The following RBM12 variants were observed in gnomAD, a reference collection of about 807,000 sequenced individuals.
RBM12 encodes the protein RNA binding motif protein 12, also known as RNA-binding protein 12.
RBM12 carries 24 observed loss-of-function variants against 37.2 expected under a neutral mutation model. That is an observed-to-expected ratio of 0.65 (90% confidence interval 0.47 to 0.91). The LOEUF is 0.91. Ranked by LOEUF, RBM12 falls within the 40% of genes least tolerant of loss-of-function variation. The pLI, the probability that RBM12 is intolerant of heterozygous loss-of-function variation, is 0.00. For missense variants in RBM12, 1,061 were observed against 1,183.2 expected (o/e 0.90, Z 1.52); for synonymous variants, 420 against 425.2 (o/e 0.99, Z 0.15).
chr20:35,652,362 G>C lies in RBM12; in HGVS notation c.*162C>G. ...TACAGCAATGTTTATCCTGGTGAGT[G>C]AGTCTTCTGTAAACAGTCAACCAAT... On this transcript the variant is annotated 3_prime_UTR_variant, in exon 3 of 3. Transcript: ENST00000374114. 2.7e-6 allele frequency: 2 copies of C among 746,428 alleles called. No individual in the cohort carries two copies. The highest frequency in any genetic ancestry group is 4.3e-6 in the Non-Finnish European group (2 of 468,048). The allele number at this position is 746,428 out of a possible 1,614,324, so 46.2% of individuals were successfully genotyped here.
At chr20:35,659,659 TTAAA>T (rs909061687) in intron 1 of RBM12, among the ~76,000 whole-genome samples, 1 of 152,002 alleles carries the variant, frequency 6.6e-6, no homozygotes, top group African/African-American at 2.4e-5. Context: ...CTTGTAAAAT[TTAAA>T]TAAATAAAAT....
chr20:35,656,488 G>A (rs1204579460), intron 2 of RBM12, among the ~76,000 whole-genome samples: 1 of 152,170 alleles, frequency 6.6e-6, no homozygotes, highest in African/African-American at 2.4e-5. Flanking sequence ...AATTAAGGTG[G>A]TCAATAACAT....
rs1260080491 is a variant in RBM12 at position 35,654,966 on chromosome 20, C to T, written c.357G>A (p.Leu119=). The stretch of plus-strand genomic sequence containing the variant: ...TATTAAAGTTGGATACTGTTGTGGG[C>T]AAGTTTACCCTGCTACTCATTCCTG... ...PSSGMSSRVN[L]PTTVSNFNNP... The change falls in exon 3 of 3, where the codon TTG becomes TTA. Residue 119 remains leucine (L), a synonymous_variant. Coordinates refer to ENST00000374114, the MANE Select transcript of RBM12 (RefSeq NM_006047.6). 5.0e-6 allele frequency: 8 copies of T among 1,614,122 alleles called. No homozygotes were observed. The South Asian group carries it at 8.8e-5, about 18-fold the overall frequency.
chr20:35,663,620 T>A (rs1444427147), intron 1 of RBM12, among the ~76,000 whole-genome samples: 1 of 152,152 alleles, frequency 6.6e-6, no homozygotes, highest in Non-Finnish European at 1.5e-5. Flanking sequence ...CCCAGAAATC[T>A]CTTAAAGTCT....
chr20:35,661,570 T>G (rs1035632553), intron 1 of RBM12, among the ~76,000 whole-genome samples: 3 of 152,220 alleles, frequency 2.0e-5, no homozygotes, highest in Non-Finnish European at 4.4e-5. Context: ...CCATTCATAT[T>G]ATCAGGAATT....
At chr20:35,662,503 C>A (rs1271760355) in intron 1 of RBM12, among the ~76,000 whole-genome samples, 1 of 152,182 alleles carries the variant, frequency 6.6e-6, no homozygotes, top group African/African-American at 2.4e-5. Flanking sequence ...CTATTAAGCA[C>A]TTGTGGGCCA....
At chr20:35,659,103 C>A in intron 1 of RBM12, 89 bp from the exon 2 acceptor site, 1 of 516,934 alleles carries the variant, frequency 1.9e-6, no homozygotes, top group South Asian at 2.6e-5. Flanking sequence ...GAAGGCGAGT[C>A]TGAAACCACC....
Position 35,651,448 on chromosome 20 carries a change from CG to C in RBM12, c.*1075del, listed in dbSNP as rs1232112100. On this transcript the variant is annotated 3_prime_UTR_variant, in exon 3 of 3. Transcript: ENST00000374114. ...AAGCCTCCAAATAACAGGACTAACA[CG>C]TATCAATCTACGAACCAGCATACGG... The C allele has an allele frequency of 6.6e-6, 1 of 152,172 alleles. No individual in the cohort carries two copies. The highest frequency in any genetic ancestry group is 1.5e-5 in the Non-Finnish European group (1 of 68,024). 9.4% of individuals were successfully genotyped at this position (152,172 alleles called of 1,614,324 possible). A position where few individuals can be genotyped will look rare whatever the true frequency, so the allele number is the denominator to read the frequency against.
rs890114573 is a variant in RBM12, at chr20:35,649,756, C to T, written c.*2768G>A. 2.0e-5 allele frequency: 3 copies of T among 149,938 alleles called. No individual in the cohort carries two copies. The highest frequency in any genetic ancestry group is 4.9e-5 in the African/African-American group (2 of 40,678). 9.3% of individuals were successfully genotyped at this position (149,938 alleles called of 1,614,324 possible). A position where few individuals can be genotyped will look rare whatever the true frequency, so the allele number is the denominator to read the frequency against. ...TTTAAATCAAAAGAAAAATGAACAC[C>T]AATAAAAAAAAAATCAGAAGGGAGA... On this transcript the variant is annotated 3_prime_UTR_variant, in exon 3 of 3. Coordinates refer to ENST00000374114, the MANE Select transcript of RBM12 (RefSeq NM_006047.6).
At chr20:35,663,888 A>AATT (rs2034380959) in intron 1 of RBM12, among the ~76,000 whole-genome samples, 1 of 152,176 alleles carries the variant, frequency 6.6e-6, no homozygotes, top group Non-Finnish European at 1.5e-5. Flanking sequence ...AGAGAAACTC[A>AATT]ATTAACTCTC....
chr20:35,660,812 T>C (rs2034191786), intron 1 of RBM12, among the ~76,000 whole-genome samples: 2 of 152,256 alleles, frequency 1.3e-5, no homozygotes, highest in East Asian at 3.9e-4. Context: ...GGTAAGAAGG[T>C]TCCTCTCAGC....
rs543881351 is a variant in RBM12, at chr20:35,653,403, C to A, written c.1920G>T (p.Lys640Asn). ...NPPAQGKKGL[K>N]MPVPGNPAVP... The stretch of plus-strand genomic sequence containing the variant: ...CTGCAGGATTACCTGGCACAGGCAT[C>A]TTTAATCCCTTTTTTCCTTGGGCAG... The change falls in exon 3 of 3, where the codon AAG becomes AAT. Residue 640 changes from lysine to asparagine, a missense_variant. Physicochemically the swap from Lys to Asn is moderately conservative, Grantham distance 94 (BLOSUM62 0). Around this residue, in one of 3 missense-constraint regions of RBM12, gnomAD observed 517 missense variants for 534.0 expected, o/e 0.97. Coordinates refer to ENST00000374114, the MANE Select transcript of RBM12 (RefSeq NM_006047.6). 1 of 1,614,158 alleles carries A rather than the reference C, an allele frequency of 6.2e-7. No individual in the cohort carries two copies. The highest frequency in any genetic ancestry group is 2.2e-5 in the East Asian group (1 of 44,888).
rs1335461183 is a variant in RBM12 at position 35,653,462 on chromosome 20, G to A, written c.1861C>T (p.Leu621=). ...GREAFVHVVT[L]EDMREIEKNP... ...TTCTCAATCTCTCTCATATCTTCTA[G>A]GGTAACTACATGAACAAAAGCTTCT... Residue 621 remains leucine, a synonymous_variant, in exon 3 of 3, where the codon CTA becomes TTA. Transcript: ENST00000374114. The A allele has an allele frequency of 1.9e-6, 3 of 1,614,112 alleles. No individual in the cohort carries two copies. The highest frequency in any genetic ancestry group is 2.2e-5 in the East Asian group (1 of 44,880).
Position 35,655,173 on chromosome 20 carries a change from A to T in RBM12, c.150T>A (p.Asp50Glu). 1 of 1,614,200 alleles carries T rather than the reference A, an allele frequency of 6.2e-7. No homozygotes were observed. The highest frequency in any genetic ancestry group is 8.5e-7 in the Non-Finnish European group (1 of 1,180,026). ...GCATCATACCAAGCCTTGCATCTTC[A>T]TCAGTGGCAAAAACGATGAAAGCCT... Reference protein sequence around the residue: ...LGEAFIVFATDEDARLGMMRT... With the variant: ...LGEAFIVFATEEDARLGMMRT... The change falls in exon 3 of 3, where the codon GAT (aspartate) becomes GAA (glutamate). Residue 50 changes from aspartate (D) to glutamate (E), a missense_variant. By Grantham distance (45) the Asp-to-Glu change is conservative (BLOSUM62 2). This residue lies in a region of RBM12 where 540 missense variants were observed against 632.7 expected (regional missense o/e 0.85). Transcript: ENST00000374114.
chr20:35,654,723 T>C lies in RBM12; in HGVS notation c.600A>G (p.Pro200=). 3.7e-6 allele frequency: 6 copies of C among 1,613,668 alleles called. No homozygotes were observed. The highest frequency in any genetic ancestry group is 5.1e-6 in the Non-Finnish European group (6 of 1,179,616). Reference sequence around the variant, plus strand: ...GAATTGGGGGAATGGATGGCATTGGTGGCAGAGATGGCATCGCTGGAATTG... The same window carrying C: ...GAATTGGGGGAATGGATGGCATTGGCGGCAGAGATGGCATCGCTGGAATTG... ...IPPIPAMPSL[P]PMPSIPPIPV... Residue 200 remains proline (P), a synonymous_variant, in exon 3 of 3, where the codon CCA becomes CCG. Coordinates refer to ENST00000374114, the MANE Select transcript of RBM12 (RefSeq NM_006047.6).
At position 35,652,895 on chromosome 20, in the gene RBM12, G is replaced by A; in HGVS notation, c.2428C>T (p.Pro810Ser). 6.2e-7 allele frequency: 1 copy of A among 1,613,634 alleles called. No homozygotes were observed. The highest frequency in any genetic ancestry group is 8.5e-7 in the Non-Finnish European group (1 of 1,179,976). Residue 810 changes from proline to serine, a missense_variant, in exon 3 of 3, where the codon CCT becomes TCT. Around this residue, in one of 3 missense-constraint regions of RBM12, gnomAD observed 517 missense variants for 534.0 expected, o/e 0.97. Coordinates refer to ENST00000374114, the MANE Select transcript of RBM12 (RefSeq NM_006047.6). ...TGCCCAGGGGCACTTCCAAGACCAG[G>A]AGGGCCACTTCCAAACCCCGGGGGA... The part of the protein sequence containing the change: ...GGPPGFGSGP[P>S]GLGSAPGHLG...
At position 35,653,303 on chromosome 20, in the gene RBM12, T is replaced by TG. The variant is rs1023446319; in HGVS notation, c.2019dup (p.Ser674GlnfsTer26). The TG allele has an allele frequency of 6.2e-7, 1 of 1,613,502 alleles. No individual in the cohort carries two copies. Among genetic ancestry groups the TG allele is most frequent in the Non-Finnish European group, 8.5e-7 (1 of 1,179,810 alleles). ...ATTGCTGAACCAGGCAGTCCTGTGCTGGGCAGGCCTGCACCGGGAAGTCCT... is the reference window on the plus strand; with the variant it reads ...ATTGCTGAACCAGGCAGTCCTGTGCTGGGGCAGGCCTGCACCGGGAAGTCCT... On this transcript the variant is annotated frameshift_variant, in exon 3 of 3. Transcript: ENST00000374114. LOFTEE classifies it high-confidence loss of function.
At position 35,652,992 on chromosome 20, in the gene RBM12, G is replaced by A; in HGVS notation, c.2331C>T (p.Asn777=). Residue 777 remains asparagine, a synonymous_variant, in exon 3 of 3, where the codon AAC becomes AAT. Transcript: ENST00000374114. ...LDVPGFGGGP[N]NLSGPSGFGG... The stretch of plus-strand genomic sequence containing the variant: ...CAAATCCCGATGGCCCACTTAAATT[G>A]TTTGGTCCACCTCCAAAACCCGGAA... 3.7e-6 allele frequency: 6 copies of A among 1,613,778 alleles called. No homozygotes were observed. The South Asian group carries it at 6.6e-5, about 18-fold the overall frequency.
chr20:35,659,564 G>A (rs1413496427), intron 1 of RBM12, among the ~76,000 whole-genome samples: 1 of 152,088 alleles, frequency 6.6e-6, no homozygotes, highest in East Asian at 1.9e-4. Flanking sequence ...CTTGCTATAA[G>A]GACTAATTCC....
Sources: gnomAD v4.1 joint callset for allele counts (sites outside exome capture counted in the v4.1 genomes callset) on GRCh38, gnomAD v4.1.1 for gene constraint, gnomAD v4.1.1 regional missense constraint, MANE v1.5 for transcripts, NCBI Gene and HGNC (gene_info 2026-07-23, HGNC 2026-07-21) for gene names.